ADAMTS12: variants seen among roughly 807,000 people sequenced by gnomAD.
ADAMTS12 encodes ADAM metallopeptidase with thrombospondin type 1 motif 12.
Under a neutral mutation model 167.8 loss-of-function variants are expected in ADAMTS12, and 118 were observed. The ratio of observed to expected loss-of-function variants is 0.70; its 90% CI spans 0.61 to 0.82. ADAMTS12 has a LOEUF of 0.82. ADAMTS12 is among the 40% of genes least tolerant of loss of function. The pLI, the probability that ADAMTS12 is intolerant of heterozygous loss-of-function variation, is 0.00. For synonymous variants in ADAMTS12, 704 were observed against 716.9 expected, an observed-to-expected ratio of 0.98 and a Z score of 0.29; for missense variants, 1,916 against 1,998.8, an observed-to-expected ratio of 0.96 and a Z score of 0.79.
chr5:33,744,085 T>C (rs1248711459), intron 3 of ADAMTS12, among the ~76,000 whole-genome samples: 1 of 152,222 alleles, frequency 6.6e-6, no homozygotes. Flanking sequence ...TTTAAGTTCC[T>C]GCCGTGGCCA....
intron 2 of ADAMTS12, among the ~76,000 whole-genome samples, chr5:33,770,838 C>CCCTCCTCCTCCTCTT: frequency 6.6e-6 from 1 of 150,902 alleles, no homozygotes; most frequent in South Asian, 2.1e-4. Flanking sequence ...CTTCCTCTTC[C>CCCTCCTCCTCCTCTT]CCTCCTCCTC....
chr5:33,647,137 T>G (rs1023996297), intron 9 of ADAMTS12, among the ~76,000 whole-genome samples: 2 of 152,016 alleles, frequency 1.3e-5, no homozygotes, highest in Admixed American at 1.3e-4. Context: ...AGTAGCAGAT[T>G]AGAGAGTGAA....
intron 20 of ADAMTS12, among the ~76,000 whole-genome samples, chr5:33,552,728 T>C (rs924199740): frequency 6.6e-6 from 1 of 152,242 alleles, no homozygotes; most frequent in Admixed American, 6.5e-5. Context: ...TGTTGGCCCA[T>C]GTGTCTGTTT....
chr5:33,678,221 T>C (rs1426006455), intron 5 of ADAMTS12, among the ~76,000 whole-genome samples: 1 of 152,202 alleles, frequency 6.6e-6, no homozygotes, highest in Non-Finnish European at 1.5e-5. Flanking sequence ...CCAAAGTCCT[T>C]ATGTGGCCAC....
chr5:33,577,357 C>G (rs919167930), intron 18 of ADAMTS12, among the ~76,000 whole-genome samples, 197 bp from the exon 19 acceptor site: 2 of 152,192 alleles, frequency 1.3e-5, no homozygotes, highest in Non-Finnish European at 2.9e-5. Flanking sequence ...GGGACTCAGT[C>G]TCAACCATTT....
chr5:33,862,520 G>A (rs1469061107), intron 2 of ADAMTS12, among the ~76,000 whole-genome samples: 1 of 152,098 alleles, frequency 6.6e-6, no homozygotes, highest in Non-Finnish European at 1.5e-5. Flanking sequence ...GAATAGACCA[G>A]TAACAAGTTC....
At chr5:33,768,547 T>C (rs927514924) in intron 2 of ADAMTS12, among the ~76,000 whole-genome samples, 1 of 152,224 alleles carries the variant, frequency 6.6e-6, no homozygotes, top group Non-Finnish European at 1.5e-5. Flanking sequence ...TTTAGATATA[T>C]GGAAATATAA....
chr5:33,683,694 C>T (rs1485247675), intron 4 of ADAMTS12, among the ~76,000 whole-genome samples, 165 bp downstream of exon 4: 1 of 152,072 alleles, frequency 6.6e-6, no homozygotes, highest in Non-Finnish European at 1.5e-5. Context: ...CTAATTCATC[C>T]TGAATTTCCA....
At chr5:33,601,971 C>A (rs1417501285) in intron 16 of ADAMTS12, among the ~76,000 whole-genome samples, 2 of 151,738 alleles carry the variant, frequency 1.3e-5, no homozygotes, top group Non-Finnish European at 2.9e-5. Context: ...CAAGAGTATT[C>A]CTGCCTGATT....
intron 2 of ADAMTS12, among the ~76,000 whole-genome samples, chr5:33,752,820 C>T (rs1349784057): frequency 6.6e-6 from 1 of 152,152 alleles, no homozygotes; most frequent in Non-Finnish European, 1.5e-5. Flanking sequence ...GCTGAGGAGC[C>T]CCCACAGTCA....
chr5:33,751,652 A>C lies in ADAMTS12; in HGVS notation c.490-104T>G, dbSNP rs190870327. ...CTTATGAGTATCTCTGAAACTCCTAAGACCAGTGCTTTCAGAGTCTGCTGT... is the reference window on the plus strand; with the variant it reads ...CTTATGAGTATCTCTGAAACTCCTACGACCAGTGCTTTCAGAGTCTGCTGT... On this transcript the variant is annotated intron_variant, in intron 2 of 23. Coordinates refer to ENST00000504830, the MANE Select transcript of ADAMTS12 (RefSeq NM_030955.4). 6.5e-4 allele frequency: 733 copies of C among 1,121,978 alleles called. 1 individual carries two copies. The highest frequency in any genetic ancestry group is 2.5e-3 in the Admixed American group (106 of 41,778). The allele number at this position is 1,121,978 out of a possible 1,614,324, so 69.5% of individuals were successfully genotyped here.
intron 5 of ADAMTS12, among the ~76,000 whole-genome samples, chr5:33,669,665 G>A (rs143672416): frequency 1.6e-4 from 24 of 150,988 alleles, no homozygotes; most frequent in African/African-American, 5.6e-4. Flanking sequence ...TAAAAAAAAG[G>A]CAAAAGTCTT....
intron 2 of ADAMTS12, among the ~76,000 whole-genome samples, chr5:33,846,411 T>C (rs1748947042): frequency 1.3e-5 from 2 of 152,242 alleles, no homozygotes; most frequent in Admixed American, 1.3e-4. Context: ...AACCAAACAC[T>C]TGAAATGCTG....
intron 13 of ADAMTS12, among the ~76,000 whole-genome samples, chr5:33,627,246 G>T (rs1306134505): frequency 6.6e-6 from 1 of 150,462 alleles, no homozygotes; most frequent in African/African-American, 2.4e-5. Context: ...TGATGGTGGT[G>T]GTGGTGGTGG....
chr5:33,642,007 A>G, intron 10 of ADAMTS12, 52 bp from the exon 11 acceptor site: 1 of 1,538,582 alleles, frequency 6.5e-7, no homozygotes. Context: ...TACCAGAGCA[A>G]GCTGAGCCAA....
chr5:33,825,231 C>A (rs1456093868), intron 2 of ADAMTS12, among the ~76,000 whole-genome samples: 2 of 152,158 alleles, frequency 1.3e-5, no homozygotes, highest in South Asian at 2.1e-4. Context: ...GGTGGCTCCA[C>A]AAAGCATGCT....
chr5:33,609,772 T>G (rs1484031216), intron 16 of ADAMTS12, among the ~76,000 whole-genome samples: 1 of 152,234 alleles, frequency 6.6e-6, no homozygotes, highest in Non-Finnish European at 1.5e-5. Context: ...TCATTTTTCT[T>G]GTGGCCTCTA....
rs1352515808 is a variant in ADAMTS12 at position 33,530,807 on chromosome 5, C to T, written c.4607-3441G>A. Among the ~76,000 whole-genome samples the T allele has an allele frequency of 9.2e-5, 14 of 152,306 alleles. No individual in the cohort carries two copies. The South Asian group carries it at 2.9e-3, about 32-fold the overall frequency. On this transcript the variant is annotated intron_variant, in intron 23 of 23. Coordinates refer to ENST00000504830, the MANE Select transcript of ADAMTS12 (RefSeq NM_030955.4). ...CCTCTTCTGCTAAGGGCAAAGGTATCTGCCATTATAAAAAGGACCTCTAGG... is the reference window on the plus strand; with the variant it reads ...CCTCTTCTGCTAAGGGCAAAGGTATTTGCCATTATAAAAAGGACCTCTAGG...
chr5:33,601,871 C>T (rs1738206361), intron 16 of ADAMTS12, among the ~76,000 whole-genome samples: 1 of 152,044 alleles, frequency 6.6e-6, no homozygotes, highest in Non-Finnish European at 1.5e-5. Context: ...ATAAGAAATG[C>T]TTAAATAAGG....
Sources: allele counts gnomAD v4.1 joint callset (sites outside exome capture counted in the v4.1 genomes callset), GRCh38; gene constraint gnomAD v4.1.1; transcripts MANE v1.5; gene names NCBI Gene and HGNC (gene_info 2026-07-23, HGNC 2026-07-21).